CRISP1: variants seen among roughly 807,000 people sequenced by gnomAD.
The protein encoded by CRISP1 is cysteine rich secretory protein 1.
CRISP1 carries 44 observed loss-of-function variants against 33.1 expected under a neutral mutation model. The observed-to-expected ratio is 1.33, with a 90% CI of 1.05 to 1.71. The LOEUF (loss-of-function observed/expected upper bound fraction) is 1.71, where lower values mean the gene tolerates loss of function less well. Ranked by LOEUF, CRISP1 falls within the 40% of genes most tolerant of loss-of-function variation. The pLI is 0.00. For missense variants in CRISP1, 390 were observed against 301.2 expected, an observed-to-expected ratio of 1.29 and a Z score of -2.18; for synonymous variants, 103 against 98.7, an observed-to-expected ratio of 1.04 and a Z score of -0.26.
intron 2 of CRISP1, 96 bp from the exon 3 acceptor site, chr6:49,852,225 A>T (rs551844730): frequency 1.8e-6 from 2 of 1,098,508 alleles, no homozygotes; most frequent in Admixed American, 5.0e-5. Flanking sequence ...TTTATAGTTT[A>T]TATTAAACAG....
chr6:49,858,888 T>C (rs1353141159), intron 1 of CRISP1, among the ~76,000 whole-genome samples: 1 of 151,228 alleles, frequency 6.6e-6, no homozygotes, highest in African/African-American at 2.4e-5. Flanking sequence ...AAATAAGGAG[T>C]AGATAATTAA....
chr6:49,835,955 C>A (rs1390654103), intron 7 of CRISP1, among the ~76,000 whole-genome samples: 1 of 152,192 alleles, frequency 6.6e-6, no homozygotes, highest in Non-Finnish European at 1.5e-5. Flanking sequence ...TCTCACCTTG[C>A]TCTATCCCAT....
chr6:49,855,080 A>AAATAC lies in CRISP1; in HGVS notation c.66+2250_66+2254dup, dbSNP rs1187487639. Among the ~76,000 whole-genome samples the AAATAC allele has an allele frequency of 1.3e-5, 2 of 151,984 alleles. 1 individual carries two copies. ...TCTTTTGACTAAACTTTCAGTGTAG[A>AAATAC]AATACTCTTTCTTTTGGTGTAAGGA... is the stretch of plus-strand genomic sequence containing the variant. On this transcript the variant is annotated intron_variant, in intron 2 of 7. Transcript: ENST00000335847.
intron 2 of CRISP1, among the ~76,000 whole-genome samples, chr6:49,856,092 G>T (rs191141973): frequency 6.6e-6 from 1 of 151,968 alleles, no homozygotes; most frequent in African/African-American, 2.4e-5. Context: ...TGTATTCTTG[G>T]TCAAAAGCGG....
chr6:49,857,829 G>T (rs1561947363), intron 1 of CRISP1, among the ~76,000 whole-genome samples: 1 of 152,152 alleles, frequency 6.6e-6, no homozygotes, highest in Admixed American at 6.5e-5. Context: ...GACTTGACCA[G>T]TCATGCTGAA....
At chr6:49,870,653 T>A (rs1771901429), upstream of CRISP1, among the ~76,000 whole-genome samples, 1 of 152,176 alleles carries the variant, frequency 6.6e-6, no homozygotes, top group Non-Finnish European at 1.5e-5. Context: ...TAACCTTCAG[T>A]TTCTTGTGAG....
intron 4 of CRISP1, among the ~76,000 whole-genome samples, chr6:49,847,357 G>A (rs866610623): frequency 7.2e-5 from 11 of 152,110 alleles, no homozygotes; most frequent in South Asian, 2.1e-4. Flanking sequence ...GACCGGAGAC[G>A]TTTACCTCAC....
At chr6:49,835,990 G>C (rs1021370175) in intron 7 of CRISP1, among the ~76,000 whole-genome samples, 1 of 152,046 alleles carries the variant, frequency 6.6e-6, no homozygotes, top group African/African-American at 2.4e-5. Context: ...CTACATCCTG[G>C]TACATACAGA....
intron 2 of CRISP1, among the ~76,000 whole-genome samples, chr6:49,853,820 A>T (rs1434128710): frequency 6.6e-6 from 1 of 152,092 alleles, no homozygotes; most frequent in African/African-American, 2.4e-5. Flanking sequence ...CCTACCTAAA[A>T]CATCCCAACT....
At chr6:49,862,167 C>A (rs912910010) in intron 1 of CRISP1, among the ~76,000 whole-genome samples, 1 of 152,076 alleles carries the variant, frequency 6.6e-6, no homozygotes, top group African/African-American at 2.4e-5. Context: ...AAGACTCCAC[C>A]AAATTCTTAG....
At chr6:49,835,883 G>A (rs1770773865) in intron 7 of CRISP1, among the ~76,000 whole-genome samples, 1 of 152,070 alleles carries the variant, frequency 6.6e-6, no homozygotes, top group African/African-American at 2.4e-5. Flanking sequence ...GCACATATAG[G>A]ATGGCATATA....
intron 2 of CRISP1, among the ~76,000 whole-genome samples, chr6:49,854,868 C>G (rs935328425): frequency 1.3e-5 from 2 of 152,094 alleles, no homozygotes; most frequent in African/African-American, 4.8e-5. Flanking sequence ...GATGCTGCTG[C>G]TAAATTCCTG....
chr6:49,875,147 AT>A (rs1379780920), intron 1 of CRISP1, among the ~76,000 whole-genome samples: 2 of 152,068 alleles, frequency 1.3e-5, no homozygotes, highest in African/African-American at 4.8e-5. Context: ...ACGATCCTAT[AT>A]ATAGAAAACT....
Position 49,835,344 on chromosome 6 carries a change from G to A in CRISP1, c.722C>T (p.Thr241Ile). Residue 241 changes from threonine to isoleucine, a missense_variant, in exon 8 of 8, where the codon ACT becomes ATT. Coordinates refer to ENST00000335847, the MANE Select transcript of CRISP1 (RefSeq NM_001131.3). ...TTTTATCTCAGTGTCACACAGACAA[G>A]TGGCTTTACAGAATAGGATAGTTGT... is the stretch of plus-strand genomic sequence containing the variant. ...HSTTILFCKA[T>I]CLCDTEIK The A allele has an allele frequency of 6.2e-7, 1 of 1,613,814 alleles. No homozygotes were observed. Among genetic ancestry groups the A allele is most frequent in the African/African-American group, 1.3e-5 (1 of 75,044 alleles).
chr6:49,852,179 G>A (rs1366588096), intron 2 of CRISP1, 50 bp from the exon 3 acceptor site: 1 of 1,581,994 alleles, frequency 6.3e-7, no homozygotes, highest in Admixed American at 1.8e-5. Context: ...AGTGGAATTT[G>A]TCACATATAT....
rs1169847672 is a variant in CRISP1, at chr6:49,834,986, G to A, written c.*330C>T. ...AGTGGTTGAAAATATGGGGAAGGCG[G>A]GGGTGGGAGTTGAACCACATAAGAC... On this transcript the variant is annotated 3_prime_UTR_variant, in exon 8 of 8. Transcript: ENST00000335847. 1.1e-5 allele frequency: 2 copies of A among 180,530 alleles called. No homozygotes were observed. The highest frequency in any genetic ancestry group is 2.3e-5 in the Non-Finnish European group (2 of 87,526). 11.2% of individuals were successfully genotyped at this position (180,530 alleles called of 1,614,324 possible).
chr6:49,857,046 A>G (rs1380971185), intron 2 of CRISP1, among the ~76,000 whole-genome samples: 1 of 152,198 alleles, frequency 6.6e-6, no homozygotes, highest in East Asian at 1.9e-4. Context: ...AGAGGCCACA[A>G]TGAAATAGAT....
chr6:49,850,720 T>C (rs1771320830), intron 3 of CRISP1, among the ~76,000 whole-genome samples: 1 of 152,194 alleles, frequency 6.6e-6, no homozygotes, highest in Admixed American at 6.6e-5. Flanking sequence ...TACTTGAATA[T>C]ATGTATTCTT....
At chr6:49,867,300 C>A (rs762160417), upstream of CRISP1, among the ~76,000 whole-genome samples, 31 of 151,876 alleles carry the variant, frequency 2.0e-4, no homozygotes, top group Non-Finnish European at 4.1e-4. Context: ...TTTGAATTGT[C>A]TTATTATTCT....
Sources: allele counts gnomAD v4.1 joint callset (sites outside exome capture counted in the v4.1 genomes callset), GRCh38; gene constraint gnomAD v4.1.1; transcripts MANE v1.5; gene names NCBI Gene and HGNC (gene_info 2026-07-23, HGNC 2026-07-21).